The following ANKRD30A variants were observed in gnomAD, a reference collection of about 807,000 sequenced individuals.
The protein encoded by ANKRD30A is ankyrin repeat domain-containing protein 30A.
ANKRD30A carries 170 observed loss-of-function variants against 166.3 expected under a neutral mutation model. The ratio of observed to expected loss-of-function variants is 1.02; its 90% confidence interval spans 0.90 to 1.16. ANKRD30A has a LOEUF of 1.16. ANKRD30A is among the 50% of genes most tolerant of loss of function. ANKRD30A has a pLI of 0.00. For synonymous variants in ANKRD30A, 564 were observed against 508.9 expected (o/e 1.11, Z -1.46); for missense variants, 1,630 against 1,518.0 (o/e 1.07, Z -1.23).
rs1223452739 is a variant in ANKRD30A, at chr10:37,134,018, T to C, written c.720T>C (p.Thr240=). 6.2e-7 allele frequency: 1 copy of C among 1,614,110 alleles called. No homozygotes were observed. Among genetic ancestry groups the C allele is most frequent in the Non-Finnish European group, 8.5e-7 (1 of 1,179,966 alleles). ...DVFAADICGV[T]AEHYAVTCGF... ...TTGCTGCAGATATATGTGGAGTAAC[T>C]GCAGAACATTATGCTGTTACTTGTG... The change falls in exon 5 of 36, where the codon ACT becomes ACC. Residue 240 remains threonine, a synonymous_variant. Coordinates refer to ENST00000361713, the MANE Select transcript of ANKRD30A (RefSeq NM_052997.3).
At chr10:37,136,736 C>A in intron 6 of ANKRD30A, 65 bp downstream of exon 6, 1 of 962,002 alleles carries the variant, frequency 1.0e-6, no homozygotes, top group Non-Finnish European at 1.5e-6. Flanking sequence ...GTGTTGATCA[C>A]AAAAAGGTAA....
At chr10:37,228,958 C>T (rs905161371) in intron 34 of ANKRD30A, among the ~76,000 whole-genome samples, 6 of 151,942 alleles carry the variant, frequency 3.9e-5, no homozygotes, top group South Asian at 4.1e-4. Context: ...GGGAAAAGCT[C>T]GGCCAGGACA....
intron 7 of ANKRD30A, among the ~76,000 whole-genome samples, chr10:37,144,031 G>A (rs376298274): frequency 6.6e-6 from 1 of 151,332 alleles, no homozygotes; most frequent in African/African-American, 2.4e-5. Flanking sequence ...ATTTAAATAC[G>A]TAGGTCTTTC....
intron 34 of ANKRD30A, among the ~76,000 whole-genome samples, chr10:37,226,814 G>A (rs187456543): frequency 2.5e-3 from 377 of 151,744 alleles, no homozygotes; most frequent in Middle Eastern, 0.021. Flanking sequence ...AGCAGTATGA[G>A]GGTTCTAATT....
intron 31 of ANKRD30A, among the ~76,000 whole-genome samples, chr10:37,206,357 G>A (rs1239739983): frequency 3.3e-5 from 5 of 152,116 alleles, no homozygotes; most frequent in Admixed American, 6.6e-5. Flanking sequence ...TAGATTTGGC[G>A]ACTCCCACAG....
chr10:37,199,729 C>G lies in ANKRD30A; in HGVS notation c.2719C>G (p.Gln907Glu), dbSNP rs750661481. Residue 907 changes from glutamine to glutamate, a missense_variant and splice_region_variant, in exon 30 of 36, where the codon CAG (glutamine) becomes GAG (glutamate). Around this residue, in one of 4 missense-constraint regions of ANKRD30A, gnomAD observed 712 missense variants for 629.3 expected, o/e 1.13. Coordinates refer to ENST00000361713, the MANE Select transcript of ANKRD30A (RefSeq NM_052997.3). ...LKNEQTLRADQMFPSESKQKK... is the reference protein window; with the variant it reads ...LKNEQTLRADEMFPSESKQKK... The stretch of plus-strand genomic sequence containing the variant: ...TATCTGTGATTAACCTTTTATAGAT[C>G]AGATGTTCCCTTCAGAATCAAAACA... 3 of 1,568,896 alleles carry G rather than the reference C, an allele frequency of 1.9e-6. No individual in the cohort carries two copies. Among genetic ancestry groups the G allele is most frequent in the Admixed American group, 3.5e-5 (2 of 57,928 alleles).
intron 34 of ANKRD30A, among the ~76,000 whole-genome samples, chr10:37,224,465 C>T (rs1235508407): frequency 2.0e-5 from 3 of 150,300 alleles, no homozygotes; most frequent in Non-Finnish European, 4.4e-5. Flanking sequence ...TTGATACACA[C>T]ACACACACGT....
intron 3 of ANKRD30A, among the ~76,000 whole-genome samples, chr10:37,131,896 G>A (rs1327431804): frequency 1.3e-5 from 2 of 152,106 alleles, no homozygotes; most frequent in South Asian, 4.1e-4. Flanking sequence ...TACTACTTTA[G>A]TCAAAAACAA....
rs571729513 is a variant in ANKRD30A at position 37,153,622 on chromosome 10, A to C, written c.1758A>C (p.Thr586=). Residue 586 remains threonine, a synonymous_variant, in exon 13 of 36, where the codon ACA becomes ACC. Coordinates refer to ENST00000361713, the MANE Select transcript of ANKRD30A (RefSeq NM_052997.3). The part of the protein sequence containing the change: ...SQKDVCLPKA[T]HQKEIDKING... ...AGGATGTGTGTTTACCCAAGGCTAC[A>C]CATCAAAAAGAAATAGATAAAATAA... 6.2e-7 allele frequency: 1 copy of C among 1,611,798 alleles called. No individual in the cohort carries two copies. The highest frequency in any genetic ancestry group is 8.5e-7 in the Non-Finnish European group (1 of 1,179,430).
At chr10:37,133,889 A>G in intron 4 of ANKRD30A, 27 bp from the exon 5 acceptor site, 1 of 1,611,886 alleles carries the variant, frequency 6.2e-7, no homozygotes, top group Non-Finnish European at 8.5e-7. Context: ...TGCTCATAAT[A>G]ATGAAGTTAT....
the ANKRD30A span, among the ~76,000 whole-genome samples, chr10:37,245,567 T>C: frequency 6.6e-6 from 1 of 152,076 alleles, no homozygotes; most frequent in Non-Finnish European, 1.5e-5. Flanking sequence ...TATCTTTTAG[T>C]TTACTGTATG....
chr10:37,189,871 A>C (rs58313712), intron 25 of ANKRD30A, among the ~76,000 whole-genome samples: 2,776 of 151,700 alleles, frequency 0.018, 132 homozygotes, highest in African/African-American at 0.064. Flanking sequence ...CAGAGAGTAT[A>C]TGAAGGAACA....
intron 15 of ANKRD30A, among the ~76,000 whole-genome samples, chr10:37,159,662 A>AT (rs1237964786): frequency 6.6e-6 from 1 of 151,542 alleles, no homozygotes; most frequent in Non-Finnish European, 1.5e-5. Context: ...CATGTCTTAA[A>AT]TTTTCTTCTA....
intron 15 of ANKRD30A, among the ~76,000 whole-genome samples, chr10:37,159,595 T>C (rs1349218465): frequency 6.6e-6 from 1 of 152,230 alleles, no homozygotes; most frequent in Non-Finnish European, 1.5e-5. Context: ...TCATGTCTTA[T>C]ACGCTGTGTG....
chr10:37,201,010 A>T (rs1841579386), intron 30 of ANKRD30A, among the ~76,000 whole-genome samples: 1 of 152,066 alleles, frequency 6.6e-6, no homozygotes, highest in Non-Finnish European at 1.5e-5. Context: ...TTTCCTGCTC[A>T]GTCACCGAGT....
chr10:37,179,037 T>TAG (rs1839972438), intron 24 of ANKRD30A, among the ~76,000 whole-genome samples: 3 of 62,844 alleles, frequency 4.8e-5, no homozygotes, highest in Non-Finnish European at 1.4e-4. Context: ...TATATATATA[T>TAG]ATATATATAT....
intron 15 of ANKRD30A, 60 bp from the exon 16 acceptor site, chr10:37,162,589 A>G (rs1487131477): frequency 1.3e-6 from 2 of 1,596,860 alleles, no homozygotes; most frequent in Admixed American, 1.7e-5. Flanking sequence ...CACGGCATTC[A>G]TTTGTGGTTG....
intron 29 of ANKRD30A, among the ~76,000 whole-genome samples, chr10:37,197,883 C>T (rs1187935363): frequency 6.6e-6 from 1 of 151,932 alleles, no homozygotes; most frequent in Non-Finnish European, 1.5e-5. Flanking sequence ...ACTTGAATTA[C>T]CTCGTTTCCA....
intron 13 of ANKRD30A, among the ~76,000 whole-genome samples, chr10:37,157,284 T>A (rs1838458499): frequency 6.6e-6 from 1 of 152,214 alleles, no homozygotes; most frequent in Admixed American, 6.5e-5. Flanking sequence ...ACACTAAAAC[T>A]GTTATTTTGA....
Sources: allele counts gnomAD v4.1 joint callset (sites outside exome capture counted in the v4.1 genomes callset), GRCh38; gene constraint gnomAD v4.1.1; regional missense constraint gnomAD v4.1.1; transcripts MANE v1.5; gene names NCBI Gene and HGNC (gene_info 2026-07-23, HGNC 2026-07-21).